Variants in SLCO1B1 observed in about 807,000 individuals in gnomAD.
SLCO1B1 encodes the protein solute carrier organic anion transporter family member 1B1.
A neutral mutation model predicts 70.1 loss-of-function variants in SLCO1B1; 81 were observed. That is an observed-to-expected ratio of 1.16 (90% confidence interval 0.97 to 1.39). The LOEUF is 1.39. Ranked by LOEUF, SLCO1B1 falls within the 40% of genes most tolerant of loss-of-function variation. The pLI is 0.00. For synonymous variants in SLCO1B1, 283 were observed against 271.5 expected (o/e 1.04, Z -0.42); for missense variants, 895 against 799.6 (o/e 1.12, Z -1.44).
chr12:21,200,547 T>G lies in SLCO1B1; in HGVS notation c.1010T>G (p.Leu337Arg), dbSNP rs1215456469. 1 of 1,603,114 alleles carries G rather than the reference T, an allele frequency of 6.2e-7. No homozygotes were observed. The highest frequency in any genetic ancestry group is 8.5e-7 in the Non-Finnish European group (1 of 1,173,574). Residue 337 changes from leucine to arginine, a missense_variant, in exon 9 of 15, where the codon CTG becomes CGG. Leu to Arg is a moderately radical substitution (Grantham distance 102). Transcript: ENST00000256958. ...QSFKSILTNPLYVMFVLLTLL... is the reference protein window; with the variant it reads ...QSFKSILTNPRYVMFVLLTLL... ...TTTAAAAGCATCCTTACTAATCCCCTGTATGTTATGTTTGTGCTTTTGACG... is the reference window on the plus strand; with the variant it reads ...TTTAAAAGCATCCTTACTAATCCCCGGTATGTTATGTTTGTGCTTTTGACG...
At chr12:21,236,520 G>A (rs1941597019) in intron 14 of SLCO1B1, among the ~76,000 whole-genome samples, 1 of 152,194 alleles carries the variant, frequency 6.6e-6, no homozygotes, top group Non-Finnish European at 1.5e-5. Context: ...TCCCTGGGGA[G>A]TTCCCAAATT....
At chr12:21,230,471 C>G (rs1941523507) in intron 14 of SLCO1B1, among the ~76,000 whole-genome samples, 1 of 151,850 alleles carries the variant, frequency 6.6e-6, no homozygotes, top group Non-Finnish European at 1.5e-5. Context: ...GCTGGGATTA[C>G]AGGCATGCAC....
intron 14 of SLCO1B1, among the ~76,000 whole-genome samples, chr12:21,231,416 C>CA (rs34702734): frequency 0.32 from 49,106 of 151,700 alleles, 8,421 homozygotes; most frequent in East Asian, 0.45. Context: ...CCTGGGGTTC[C>CA]ATGAGGAAAT....
At chr12:21,219,821 C>T (rs934992208) in intron 12 of SLCO1B1, among the ~76,000 whole-genome samples, 1 of 138,898 alleles carries the variant, frequency 7.2e-6, no homozygotes, top group South Asian at 2.3e-4. Flanking sequence ...AGTGCAGTAG[C>T]ACAACCTTGG....
chr12:21,172,738 G>T lies in SLCO1B1; in HGVS notation c.173G>T (p.Arg58Ile), dbSNP rs891798349. ...AGTTCCATCATTCATATAGAACGGA[G>T]ATTTGAGATATCCTCTTCTCTTGTT... ...MKSSIIHIER[R>I]FEISSSLVGF... The change falls in exon 3 of 15, where the codon AGA (arginine) becomes ATA (isoleucine). Residue 58 changes from arginine (R) to isoleucine (I), a missense_variant. Arg to Ile is a moderately conservative substitution (Grantham distance 97). Coordinates refer to ENST00000256958, the MANE Select transcript of SLCO1B1 (RefSeq NM_006446.5). 5 of 1,613,364 alleles carry T rather than the reference G, an allele frequency of 3.1e-6. No individual in the cohort carries two copies. The African/African-American group carries it at 4.0e-5, about 13-fold the overall frequency.
In SLCO1B1 at chr12:21,202,685, G is replaced by GATC. The variant is rs1263966053; in HGVS notation, c.1330_1331insATC (p.Gly444delinsAspArg). On this transcript the variant is annotated protein_altering_variant and splice_region_variant, in exon 10 of 15. Transcript: ENST00000256958. Reference sequence around the variant, plus strand: ...TGCCGGACTAACCATGACCTATGATGGGTTTGTATATATCACTATATCAAT... The same window carrying GATC: ...TGCCGGACTAACCATGACCTATGATGATCGGTTTGTATATATCACTATATCAAT... The GATC allele has an allele frequency of 1.2e-6, 2 of 1,606,748 alleles. No homozygotes were observed. Among genetic ancestry groups the GATC allele is most frequent in the African/African-American group, 1.3e-5 (1 of 74,622 alleles).
rs1229334068 is a variant in SLCO1B1, at chr12:21,200,640, G to A, written c.1103G>A (p.Gly368Asp). Residue 368 changes from glycine (G) to aspartate (D), a missense_variant, in exon 9 of 15, where the codon GGT (glycine) becomes GAT (aspartate). Coordinates refer to ENST00000256958, the MANE Select transcript of SLCO1B1 (RefSeq NM_006446.5). ...YVFKYVEQQY[G>D]QPSSKANILL... ...TTCAAATACGTAGAGCAACAGTATGGTCAGCCTTCATCTAAGGCTAACATC... is the reference window on the plus strand; with the variant it reads ...TTCAAATACGTAGAGCAACAGTATGATCAGCCTTCATCTAAGGCTAACATC... 1 of 1,612,414 alleles carries A rather than the reference G, an allele frequency of 6.2e-7. No individual in the cohort carries two copies. The highest frequency in any genetic ancestry group is 1.1e-5 in the South Asian group (1 of 90,944).
chr12:21,213,000 G>A (rs540922767), intron 11 of SLCO1B1, among the ~76,000 whole-genome samples: 1 of 151,622 alleles, frequency 6.6e-6, no homozygotes, highest in South Asian at 2.1e-4. Flanking sequence ...CACACTGATG[G>A]GTCTTGACTC....
At chr12:21,138,605 GGA>G (rs1447119514) in intron 1 of SLCO1B1, among the ~76,000 whole-genome samples, 1 of 152,106 alleles carries the variant, frequency 6.6e-6, no homozygotes, top group Non-Finnish European at 1.5e-5. Flanking sequence ...TGAAGATCTA[GGA>G]GAGAGATGTG....
chr12:21,200,625 T>C lies in SLCO1B1; in HGVS notation c.1088T>C (p.Val363Ala), dbSNP rs752196141. 3 of 1,612,376 alleles carry C rather than the reference T, an allele frequency of 1.9e-6. No homozygotes were observed. In the East Asian group the frequency reaches 6.7e-5, roughly 36 times the overall value. ...IGAFTYVFKY[V>A]EQQYGQPSSK... is the part of the protein sequence containing the mutation. ...GCTTTTACTTATGTCTTCAAATACG[T>C]AGAGCAACAGTATGGTCAGCCTTCA... The change falls in exon 9 of 15, where the codon GTA becomes GCA. Residue 363 changes from valine (V) to alanine (A), a missense_variant. Transcript: ENST00000256958.
intron 7 of SLCO1B1, among the ~76,000 whole-genome samples, chr12:21,191,808 G>C (rs2121130794): frequency 6.6e-6 from 1 of 152,042 alleles, no homozygotes; most frequent in East Asian, 1.9e-4. Context: ...TCTATTCCTA[G>C]CTTGTTGAAA....
At chr12:21,238,777 G>A (rs190997981) in intron 14 of SLCO1B1, among the ~76,000 whole-genome samples, 2 of 152,020 alleles carry the variant, frequency 1.3e-5, no homozygotes, top group Non-Finnish European at 2.9e-5. Context: ...GGCAACTAGA[G>A]TATAGTTTCT....
At chr12:21,211,952 T>C (rs940985446) in intron 11 of SLCO1B1, among the ~76,000 whole-genome samples, 1 of 150,162 alleles carries the variant, frequency 6.7e-6, no homozygotes, top group Non-Finnish European at 1.5e-5. Flanking sequence ...TCTTCTCTCT[T>C]TTTTTCTTTA....
intron 12 of SLCO1B1, among the ~76,000 whole-genome samples, chr12:21,221,462 T>C (rs1941423216): frequency 6.6e-6 from 1 of 151,996 alleles, no homozygotes; most frequent in East Asian, 1.9e-4. Flanking sequence ...ATGGAAATAA[T>C]CAACAGAGTA....
Position 21,176,813 on chromosome 12 carries a change from G to GA in SLCO1B1, c.401dup (p.Asn134LysfsTer12), listed in dbSNP as rs1250465473. On this transcript the variant is annotated frameshift_variant, in exon 5 of 15. Transcript: ENST00000256958. LOFTEE classifies it high-confidence loss of function. ...TAAAGAAACTAATATCAATTCATCAGAAAATTCAACATCGACCTTATCCAC... is the reference window on the plus strand; with the variant it reads ...TAAAGAAACTAATATCAATTCATCAGAAAAATTCAACATCGACCTTATCCAC... 1.8e-5 allele frequency: 28 copies of GA among 1,542,140 alleles called. No individual in the cohort carries two copies. Among genetic ancestry groups the GA allele is most frequent in the Non-Finnish European group, 2.5e-5 (28 of 1,115,388 alleles).
chr12:21,224,750 G>T lies in SLCO1B1; in HGVS notation c.1776G>T (p.Gly592=). Residue 592 remains glycine, a synonymous_variant, in exon 14 of 15, where the codon GGG becomes GGT. Coordinates refer to ENST00000256958, the MANE Select transcript of SLCO1B1 (RefSeq NM_006446.5). ...GAATTCTAGCTCCAATATATTTTGGGGCTCTGATTGATACAACGTGTATAA... is the reference window on the plus strand; with the variant it reads ...GAATTCTAGCTCCAATATATTTTGGTGCTCTGATTGATACAACGTGTATAA... ...LGGILAPIYF[G]ALIDTTCIKW... The T allele has an allele frequency of 6.2e-7, 1 of 1,610,232 alleles. No individual in the cohort carries two copies. The highest frequency in any genetic ancestry group is 8.5e-7 in the Non-Finnish European group (1 of 1,177,504).
intron 7 of SLCO1B1, among the ~76,000 whole-genome samples, chr12:21,188,897 G>T (rs2121125581): frequency 6.6e-6 from 1 of 152,178 alleles, no homozygotes; most frequent in Admixed American, 6.5e-5. Flanking sequence ...GGTTCATTTT[G>T]CCTAATGTCC....
At position 21,149,342 on chromosome 12, in the gene SLCO1B1, A is replaced by G. The variant is rs113278396; in HGVS notation, c.84+7684A>G. ...TGCTTCCAGCTTTCACCCATTCAGT[A>G]TGATATTGGCTGTGGGTTTGTTATA... On this transcript the variant is annotated intron_variant, in intron 2 of 14. Coordinates refer to ENST00000256958, the MANE Select transcript of SLCO1B1 (RefSeq NM_006446.5). Among the ~76,000 whole-genome samples the G allele has an allele frequency of 7.5e-3, 1,135 of 152,254 alleles. 12 individuals are homozygous for G. Among genetic ancestry groups the G allele is most frequent in the African/African-American group, 0.026 (1,069 of 41,530 alleles).
At chr12:21,177,449 AAC>A (rs1297779357) in intron 5 of SLCO1B1, among the ~76,000 whole-genome samples, 4 of 152,182 alleles carry the variant, frequency 2.6e-5, no homozygotes, top group Non-Finnish European at 5.9e-5. Flanking sequence ...TGCCTATTAT[AAC>A]ACAAATTATA....
Sources: allele counts gnomAD v4.1 joint callset (sites outside exome capture counted in the v4.1 genomes callset), GRCh38; gene constraint gnomAD v4.1.1; transcripts MANE v1.5; gene names NCBI Gene and HGNC (gene_info 2026-07-23, HGNC 2026-07-21).